SUGP2: variants seen among roughly 807,000 people sequenced by gnomAD.
SUGP2 encodes the protein SURP and G-patch domain containing 2.
A neutral mutation model predicts 90.5 loss-of-function variants in SUGP2; 24 were observed. The ratio of observed to expected loss-of-function variants is 0.27; its 90% CI spans 0.19 to 0.37. SUGP2 has a LOEUF of 0.37. Among genes scored for constraint, SUGP2 ranks in the 10% least tolerant of loss-of-function variants. The pLI is 1.00. For synonymous variants in SUGP2, 473 were observed against 513.4 expected, an observed-to-expected ratio of 0.92 and a Z score of 1.06; for missense variants, 1,233 against 1,363.3, an observed-to-expected ratio of 0.90 and a Z score of 1.51.
At chr19:19,016,252 C>T (rs1016229972) in intron 4 of SUGP2, among the ~76,000 whole-genome samples, 42 of 152,078 alleles carry the variant, frequency 2.8e-4, no homozygotes, top group African/African-American at 8.0e-4. Context: ...AGGATGGTCT[C>T]GATCTCCTGA....
chr19:19,013,312 A>C (rs952750699), intron 4 of SUGP2, among the ~76,000 whole-genome samples: 8 of 152,148 alleles, frequency 5.3e-5, no homozygotes, highest in African/African-American at 1.7e-4. Flanking sequence ...TGTTCTCCTT[A>C]AAGTCTTTTT....
At chr19:19,003,137 T>G (rs1599425666) in intron 7 of SUGP2, among the ~76,000 whole-genome samples, 1 of 152,230 alleles carries the variant, frequency 6.6e-6, no homozygotes, top group African/African-American at 2.4e-5. Context: ...TGGTAAAGGT[T>G]ATAGTAGAAT....
Position 19,017,547 on chromosome 19 carries a change from G to A in SUGP2, c.1850+1562C>T, listed in dbSNP as rs1164916318. ...AGCACTTTGGGAGGCCAAGGCAGGC[G>A]GATCGCATGATTTCAGGAGTTCAAG... is the stretch of plus-strand genomic sequence containing the variant. On this transcript the variant is annotated intron_variant, in intron 4 of 10. Coordinates refer to ENST00000452918, the MANE Select transcript of SUGP2 (RefSeq NM_001017392.5). Among the ~76,000 whole-genome samples, 7 of 152,042 alleles carry A rather than the reference G, an allele frequency of 4.6e-5. No individual in the cohort carries two copies. The South Asian group carries it at 6.2e-4, about 14-fold the overall frequency.
At chr19:19,031,548 A>G (rs2059151723) in intron 1 of SUGP2, among the ~76,000 whole-genome samples, 1 of 150,738 alleles carries the variant, frequency 6.6e-6, no homozygotes, top group Non-Finnish European at 1.5e-5. Context: ...AAAAAAAAAA[A>G]AAAATTTCAC....
intron 6 of SUGP2, 53 bp from the exon 7 acceptor site, chr19:19,004,699 T>C (rs2057992224): frequency 7.1e-7 from 1 of 1,417,790 alleles, no homozygotes; most frequent in Admixed American, 1.9e-5. Flanking sequence ...CTCAACATTT[T>C]TATTTGCTGA....
chr19:19,032,093 A>C (rs918856959), intron 1 of SUGP2, among the ~76,000 whole-genome samples: 2 of 152,110 alleles, frequency 1.3e-5, no homozygotes, highest in East Asian at 3.8e-4. Flanking sequence ...AACTGAGCAT[A>C]ACAGAGTAGG....
intron 5 of SUGP2, among the ~76,000 whole-genome samples, chr19:19,009,579 A>C (rs1013722296): frequency 6.6e-6 from 1 of 152,200 alleles, no homozygotes; most frequent in Non-Finnish European, 1.5e-5. Context: ...CCACGGCCCC[A>C]GCAGCAGGAC....
chr19:18,997,485 C>A (rs2057649923), intron 8 of SUGP2, among the ~76,000 whole-genome samples: 1 of 152,050 alleles, frequency 6.6e-6, no homozygotes, highest in Non-Finnish European at 1.5e-5. Context: ...TGTAGGGGGT[C>A]AGAAACGGAT....
At chr19:18,995,028 A>G in intron 9 of SUGP2, 116 bp downstream of exon 9, 1 of 1,375,728 alleles carries the variant, frequency 7.3e-7, no homozygotes, top group East Asian at 2.5e-5. Flanking sequence ...CTGTTTAAAA[A>G]ACAAAAATCA....
chr19:19,011,261 C>A (rs374227585), intron 4 of SUGP2, among the ~76,000 whole-genome samples: 6 of 152,108 alleles, frequency 3.9e-5, no homozygotes, highest in African/African-American at 1.4e-4. Flanking sequence ...GATCCTCCCA[C>A]CTCAGCCTCC....
intron 5 of SUGP2, among the ~76,000 whole-genome samples, chr19:19,009,017 T>C (rs1282572170): frequency 6.6e-6 from 1 of 152,158 alleles, no homozygotes; most frequent in East Asian, 1.9e-4. Flanking sequence ...GTTCAAGCGA[T>C]TCTCCTAGCT....
chr19:19,013,883 T>G (rs945175172), intron 4 of SUGP2, among the ~76,000 whole-genome samples: 1 of 152,260 alleles, frequency 6.6e-6, no homozygotes, highest in Non-Finnish European at 1.5e-5. Context: ...GTTATCATTT[T>G]CTAGGCTTGA....
At chr19:19,007,000 G>A (rs1345227222) in intron 6 of SUGP2, among the ~76,000 whole-genome samples, 1 of 152,242 alleles carries the variant, frequency 6.6e-6, no homozygotes. Flanking sequence ...AGGCATGACT[G>A]TCCAACAAGC....
intron 9 of SUGP2, chr19:18,994,878 A>T: frequency 1.7e-6 from 1 of 576,248 alleles, no homozygotes; most frequent in Non-Finnish European, 3.1e-6. Context: ...CAGAAATACC[A>T]CTTAGCTTTT....
intron 8 of SUGP2, among the ~76,000 whole-genome samples, chr19:19,001,085 G>A (rs568561408): frequency 4.7e-4 from 71 of 149,820 alleles, no homozygotes; most frequent in African/African-American, 1.7e-3. Flanking sequence ...GCGCGATCTC[G>A]GCTCACTGCA....
At chr19:19,002,079 T>C (rs1254600524) in intron 7 of SUGP2, among the ~76,000 whole-genome samples, 1 of 152,182 alleles carries the variant, frequency 6.6e-6, no homozygotes, top group Non-Finnish European at 1.5e-5. Flanking sequence ...GCTAATTCAC[T>C]GGGAAATAAT....
chr19:19,017,711 G>A (rs143684345), intron 4 of SUGP2, among the ~76,000 whole-genome samples: 7 of 151,960 alleles, frequency 4.6e-5, no homozygotes, highest in African/African-American at 1.4e-4. Context: ...AACAGAGGTT[G>A]TAGTGAGCCG....
intron 4 of SUGP2, among the ~76,000 whole-genome samples, chr19:19,014,633 G>GAA (rs879928429): frequency 2.3e-5 from 3 of 132,046 alleles, no homozygotes; most frequent in Non-Finnish European, 1.6e-5. Context: ...CTTAAAAAAA[G>GAA]AAAAAAAAAA....
At chr19:19,026,307 A>C (rs889048952) in intron 2 of SUGP2, 81 bp from the exon 3 acceptor site, 6 of 1,374,444 alleles carry the variant, frequency 4.4e-6, no homozygotes, top group Non-Finnish European at 5.7e-6. Context: ...GCAAACAAAC[A>C]GTCCACGGAT....
Sources: gnomAD v4.1 joint callset for allele counts (sites outside exome capture counted in the v4.1 genomes callset) on GRCh38, gnomAD v4.1.1 for gene constraint, MANE v1.5 for transcripts, NCBI Gene and HGNC (gene_info 2026-07-23, HGNC 2026-07-21) for gene names.